The following ZBTB7C variants were observed in gnomAD, a reference collection of about 807,000 sequenced individuals.
ZBTB7C encodes the protein zinc finger and BTB domain containing 7C, also known as zinc finger and BTB domain-containing protein 7C.
Under a neutral mutation model 25.7 loss-of-function variants are expected in ZBTB7C, and 8 were observed. The ratio of observed to expected loss-of-function variants is 0.31; its 90% CI spans 0.18 to 0.56. ZBTB7C has a LOEUF of 0.56. Ranked by LOEUF, ZBTB7C falls within the 20% of genes least tolerant of loss-of-function variation. The probability of loss-of-function intolerance (pLI) is 0.91; values close to 1 mark genes in which losing one functional copy is unlikely to be tolerated. For missense variants in ZBTB7C, 824 were observed against 855.2 expected (o/e 0.96, Z 0.46); for synonymous variants, 394 against 369.0 (o/e 1.07, Z -0.78).
intron 2 of ZBTB7C, among the ~76,000 whole-genome samples, chr18:48,296,350 T>C (rs1266442785): frequency 2.0e-5 from 3 of 152,156 alleles, no homozygotes; most frequent in Non-Finnish European, 4.4e-5. Flanking sequence ...GGCTCCTCAC[T>C]CGGGAGCCTC....
intron 2 of ZBTB7C, among the ~76,000 whole-genome samples, chr18:48,211,126 G>A (rs1343375893): frequency 1.3e-5 from 2 of 152,122 alleles, no homozygotes; most frequent in African/African-American, 4.8e-5. Flanking sequence ...TAAAACAACT[G>A]TATATCCATA....
At chr18:48,123,765 T>C (rs1229196183) in intron 3 of ZBTB7C, among the ~76,000 whole-genome samples, 1 of 152,234 alleles carries the variant, frequency 6.6e-6, no homozygotes, top group East Asian at 1.9e-4. Context: ...ATGGTGAATA[T>C]AGAAGTAAGT....
chr18:48,154,201 G>A (rs2040765203), intron 3 of ZBTB7C, among the ~76,000 whole-genome samples: 1 of 152,218 alleles, frequency 6.6e-6, no homozygotes, highest in Non-Finnish European at 1.5e-5. Context: ...CCAGGGGTCA[G>A]GAATCGATCT....
chr18:48,302,094 G>A (rs2045558616), intron 2 of ZBTB7C, among the ~76,000 whole-genome samples: 1 of 152,128 alleles, frequency 6.6e-6, no homozygotes, highest in Non-Finnish European at 1.5e-5. Flanking sequence ...CATTACCTCT[G>A]GCTTCTGCAG....
intron 3 of ZBTB7C, among the ~76,000 whole-genome samples, chr18:48,161,807 C>G (rs1470867010): frequency 6.6e-6 from 1 of 151,384 alleles, no homozygotes; most frequent in Non-Finnish European, 1.5e-5. Flanking sequence ...TGCGCCCCCG[C>G]GGCCTCTCTC....
intron 3 of ZBTB7C, chr18:48,185,477 A>C (rs2042032470): frequency 3.0e-6 from 1 of 327,940 alleles, no homozygotes; most frequent in Non-Finnish European, 6.0e-6. Flanking sequence ...TGACATTCTC[A>C]GATTGATTAA....
rs565983196 is a variant in ZBTB7C, at chr18:48,130,950, C to T, written c.-17+54984G>A. Among the ~76,000 whole-genome samples, 3 of 152,314 alleles carry T rather than the reference C, an allele frequency of 2.0e-5. No individual in the cohort carries two copies. In the East Asian group the frequency reaches 5.8e-4, roughly 29 times the overall value. On this transcript the variant is annotated intron_variant, in intron 3 of 4. Coordinates refer to ENST00000590800, the MANE Select transcript of ZBTB7C (RefSeq NM_001318841.2). Reference sequence around the variant, plus strand: ...ATGGAGTCTTGCTCTGTCACCTAGACTGGAGTGCAGTGGTCCCATCTCAGC... The same window carrying T: ...ATGGAGTCTTGCTCTGTCACCTAGATTGGAGTGCAGTGGTCCCATCTCAGC...
Position 48,029,425 on chromosome 18 carries a change from C to T in ZBTB7C, c.1695G>A (p.Glu565=), listed in dbSNP as rs899790050. 2.5e-6 allele frequency: 4 copies of T among 1,586,504 alleles called. No homozygotes were observed. The highest frequency in any genetic ancestry group is 2.6e-6 in the Non-Finnish European group (3 of 1,170,268). Residue 565 remains glutamate, a synonymous_variant, in exon 5 of 5, where the codon GAG becomes GAA. Coordinates refer to ENST00000590800, the MANE Select transcript of ZBTB7C (RefSeq NM_001318841.2). ...GGAGGCCCCCCGCGTTCCTCTCAGCCTCCAGCTGCGCGCGCCCGAACAGCT... is the reference window on the plus strand; with the variant it reads ...GGAGGCCCCCCGCGTTCCTCTCAGCTTCCAGCTGCGCGCGCCCGAACAGCT... ...QMKLFGRAQL[E]AERNAGGLLA... is the part of the protein sequence containing the mutation.
intron 2 of ZBTB7C, among the ~76,000 whole-genome samples, chr18:48,320,891 T>C (rs970730724): frequency 6.6e-6 from 1 of 152,138 alleles, no homozygotes; most frequent in Admixed American, 6.5e-5. Flanking sequence ...TGACTATCCT[T>C]CCCCACCCAG....
At chr18:48,210,567 T>C (rs2042679797) in intron 2 of ZBTB7C, among the ~76,000 whole-genome samples, 1 of 152,140 alleles carries the variant, frequency 6.6e-6, no homozygotes, top group Non-Finnish European at 1.5e-5. Flanking sequence ...CCACAAAAGA[T>C]CACATATTAT....
intron 3 of ZBTB7C, among the ~76,000 whole-genome samples, chr18:48,072,788 G>A (rs2037599029): frequency 6.6e-6 from 1 of 152,212 alleles, no homozygotes; most frequent in South Asian, 2.1e-4. Context: ...TGTGATGAAG[G>A]AGGCAGCCGG....
At chr18:48,112,899 G>A (rs897571397) in intron 3 of ZBTB7C, among the ~76,000 whole-genome samples, 11 of 152,238 alleles carry the variant, frequency 7.2e-5, no homozygotes, top group Non-Finnish European at 1.5e-4. Context: ...GTGATAAAGG[G>A]TTTAAATTCA....
At chr18:48,113,550 G>C (rs985907005) in intron 3 of ZBTB7C, among the ~76,000 whole-genome samples, 2 of 152,198 alleles carry the variant, frequency 1.3e-5, no homozygotes, top group Non-Finnish European at 2.9e-5. Flanking sequence ...CCTCATCTGG[G>C]GCTACCTCCT....
intron 4 of ZBTB7C, among the ~76,000 whole-genome samples, chr18:48,030,411 T>C (rs2035693274): frequency 6.6e-6 from 1 of 152,186 alleles, no homozygotes; most frequent in African/African-American, 2.4e-5. Context: ...TTGAGATCTG[T>C]CTGTGTTTGG....
At chr18:48,172,023 C>G (rs1599025519) in intron 3 of ZBTB7C, among the ~76,000 whole-genome samples, 1 of 152,208 alleles carries the variant, frequency 6.6e-6, no homozygotes, top group East Asian at 1.9e-4. Flanking sequence ...GTGGTTCATA[C>G]TGAAAGAGGC....
chr18:48,144,553 C>G (rs1175697995), intron 3 of ZBTB7C, among the ~76,000 whole-genome samples: 1 of 151,892 alleles, frequency 6.6e-6, no homozygotes, highest in Non-Finnish European at 1.5e-5. Flanking sequence ...GTTATGTTAC[C>G]CAGGTTGGTG....
At chr18:48,375,853 CACT>C (rs1460746121) in intron 1 of ZBTB7C, among the ~76,000 whole-genome samples, 3 of 152,222 alleles carry the variant, frequency 2.0e-5, no homozygotes, top group Admixed American at 2.0e-4. Context: ...GAAAATGACA[CACT>C]AGGAACTTGA....
At chr18:48,109,001 T>C (rs1228799999) in intron 3 of ZBTB7C, among the ~76,000 whole-genome samples, 1 of 152,160 alleles carries the variant, frequency 6.6e-6, no homozygotes, top group East Asian at 1.9e-4. Context: ...AACAAAGCCC[T>C]GGCAGGAGAC....
chr18:48,101,510 A>G (rs1195935535), intron 3 of ZBTB7C, among the ~76,000 whole-genome samples: 1 of 152,148 alleles, frequency 6.6e-6, no homozygotes, highest in African/African-American at 2.4e-5. Flanking sequence ...GCTCATCTTG[A>G]CTGGGACTGA....
Sources: allele counts gnomAD v4.1 joint callset (sites outside exome capture counted in the v4.1 genomes callset), GRCh38; gene constraint gnomAD v4.1.1; transcripts MANE v1.5; gene names NCBI Gene and HGNC (gene_info 2026-07-23, HGNC 2026-07-21).